PRKAR2B: variants seen among roughly 807,000 people sequenced by gnomAD.
The protein encoded by PRKAR2B is protein kinase cAMP-dependent type II regulatory subunit beta.
Under a neutral mutation model 49.9 loss-of-function variants are expected in PRKAR2B, and 14 were observed. The observed-to-expected ratio is 0.28, with a 90% CI of 0.19 to 0.44. The LOEUF is 0.44. PRKAR2B is among the 20% of genes least tolerant of loss of function. The pLI, the probability that PRKAR2B is intolerant of heterozygous loss-of-function variation, is 1.00. For synonymous variants in PRKAR2B, 196 were observed against 197.7 expected, an observed-to-expected ratio of 0.99 and a Z score of 0.07; for missense variants, 393 against 537.9, an observed-to-expected ratio of 0.73 and a Z score of 2.67.
intron 1 of PRKAR2B, among the ~76,000 whole-genome samples, chr7:107,069,096 G>A (rs895019351): frequency 6.6e-6 from 1 of 152,020 alleles, no homozygotes; most frequent in South Asian, 2.1e-4. Flanking sequence ...CACCATGCCC[G>A]GCTAATTTTT....
chr7:107,067,825 A>G (rs1794184907), intron 1 of PRKAR2B, among the ~76,000 whole-genome samples: 1 of 152,220 alleles, frequency 6.6e-6, no homozygotes, highest in Non-Finnish European at 1.5e-5. Flanking sequence ...CCCAAATTTG[A>G]TGTTGTCATT....
chr7:107,121,148 A>G (rs1179603630), intron 2 of PRKAR2B, among the ~76,000 whole-genome samples: 1 of 151,928 alleles, frequency 6.6e-6, no homozygotes, highest in Non-Finnish European at 1.5e-5. Context: ...CGATAGGTAC[A>G]ATCCTTCTAG....
At chr7:107,050,615 A>G (rs1481553005) in intron 1 of PRKAR2B, among the ~76,000 whole-genome samples, 1 of 152,110 alleles carries the variant, frequency 6.6e-6, no homozygotes, top group Non-Finnish European at 1.5e-5. Context: ...TAGTAGTAGT[A>G]ATAAAGTCCT....
intron 2 of PRKAR2B, among the ~76,000 whole-genome samples, chr7:107,096,349 A>C (rs985667718): frequency 3.9e-5 from 6 of 151,932 alleles, no homozygotes; most frequent in Admixed American, 3.3e-4. Flanking sequence ...CGGTGGTGAT[A>C]TCCCCTTTAT....
chr7:107,139,150 A>G (rs546410405), intron 4 of PRKAR2B, among the ~76,000 whole-genome samples: 2 of 151,996 alleles, frequency 1.3e-5, no homozygotes, highest in Admixed American at 1.3e-4. Context: ...TGAAATATCT[A>G]TCTCATGTGT....
intron 1 of PRKAR2B, among the ~76,000 whole-genome samples, chr7:107,049,084 A>G (rs2116744428): frequency 6.6e-6 from 1 of 152,290 alleles, no homozygotes; most frequent in South Asian, 2.1e-4. Flanking sequence ...TTGCATCAGT[A>G]CTAGTTTGGA....
chr7:107,116,990 A>T (rs896841269), intron 2 of PRKAR2B, among the ~76,000 whole-genome samples: 1 of 150,312 alleles, frequency 6.7e-6, no homozygotes, highest in East Asian at 1.9e-4. Flanking sequence ...TATAATTGTT[A>T]TACCCTTTTA....
intron 7 of PRKAR2B, among the ~76,000 whole-genome samples, chr7:107,152,096 G>A (rs971393331): frequency 6.6e-6 from 1 of 152,162 alleles, no homozygotes; most frequent in East Asian, 1.9e-4. Context: ...TATCCTTCCA[G>A]TGTCTCAGGC....
intron 2 of PRKAR2B, among the ~76,000 whole-genome samples, chr7:107,111,900 C>T (rs1363072525): frequency 6.7e-6 from 1 of 149,742 alleles, no homozygotes; most frequent in Non-Finnish European, 1.5e-5. Flanking sequence ...GGTGAGGTGG[C>T]TCATGCCAGT....
Position 107,150,961 on chromosome 7 carries a change from G to T in PRKAR2B, c.781G>T (p.Ala261Ser), listed in dbSNP as rs777810830. The T allele has an allele frequency of 6.2e-7, 1 of 1,600,674 alleles. No individual in the cohort carries two copies. The highest frequency in any genetic ancestry group is 1.4e-5 in the African/African-American group (1 of 73,944). The part of the protein sequence containing the change: ...TFRRIIVKNN[A>S]KKRKMYESFI... ...CAGGAGAATAATTGTGAAAAACAATGCCAAAAAGAGAAAAATGTATGAAAG... is the reference window on the plus strand; with the variant it reads ...CAGGAGAATAATTGTGAAAAACAATTCCAAAAAGAGAAAAATGTATGAAAG... Residue 261 changes from alanine (A) to serine (S), a missense_variant, in exon 7 of 11, where the codon GCC (alanine) becomes TCC (serine). Ala to Ser is a moderately conservative substitution (Grantham distance 99). Transcript: ENST00000265717.
chr7:107,126,251 C>CAAAAAAAAAAAAAAA (rs528961832), intron 3 of PRKAR2B, among the ~76,000 whole-genome samples: 1 of 85,470 alleles, frequency 1.2e-5, no homozygotes, highest in African/African-American at 4.2e-5. Context: ...ATACAAAATA[C>CAAAAAAAAAAAAAAA]AAAAAAAAAA....
At chr7:107,130,101 C>G (rs1383959791) in intron 4 of PRKAR2B, among the ~76,000 whole-genome samples, 1 of 152,148 alleles carries the variant, frequency 6.6e-6, no homozygotes, top group Non-Finnish European at 1.5e-5. Flanking sequence ...ACCTCGGACA[C>G]TTTTATAGTT....
chr7:107,134,504 T>C (rs1216862192), intron 4 of PRKAR2B, among the ~76,000 whole-genome samples: 1 of 152,200 alleles, frequency 6.6e-6, no homozygotes. Context: ...ATGTTATAAT[T>C]GTACATATAA....
chr7:107,045,572 GCA>G (rs1488855554), intron 1 of PRKAR2B, among the ~76,000 whole-genome samples: 1 of 152,176 alleles, frequency 6.6e-6, no homozygotes, highest in Non-Finnish European at 1.5e-5. Context: ...ATACCATTGT[GCA>G]TAAAGAAACT....
Position 107,047,248 on chromosome 7 carries a change from G to A in PRKAR2B, c.307+2034G>A, listed in dbSNP as rs540669520. 3.9e-5 allele frequency among the ~76,000 whole-genome samples: 6 copies of A among 152,326 alleles called. No homozygotes were observed. The East Asian group carries it at 1.2e-3, about 29-fold the overall frequency. The stretch of plus-strand genomic sequence containing the variant: ...GGCAATAGTACAGGTACTTCCTTCT[G>A]TCAGATGCAGTGCTTTTTGATATTT... On this transcript the variant is annotated intron_variant, in intron 1 of 10. Coordinates refer to ENST00000265717, the MANE Select transcript of PRKAR2B (RefSeq NM_002736.3).
At chr7:107,148,441 A>G (rs1440453341) in intron 6 of PRKAR2B, among the ~76,000 whole-genome samples, 1 of 152,202 alleles carries the variant, frequency 6.6e-6, no homozygotes, top group Non-Finnish European at 1.5e-5. Flanking sequence ...TGCACGTACT[A>G]CTTAAGTTCC....
chr7:107,097,335 C>T (rs565302148), intron 2 of PRKAR2B, among the ~76,000 whole-genome samples: 116 of 151,274 alleles, frequency 7.7e-4, no homozygotes, highest in Admixed American at 2.0e-3. Flanking sequence ...GCAACCCCGG[C>T]TTTTTTTTTG....
chr7:107,124,904 G>A (rs1305364158), intron 3 of PRKAR2B, among the ~76,000 whole-genome samples: 4 of 151,860 alleles, frequency 2.6e-5, no homozygotes, highest in African/African-American at 9.7e-5. Flanking sequence ...TTTAGGCTTT[G>A]GGGAGTCATG....
At chr7:107,045,357 C>T (rs1793669201) in intron 1 of PRKAR2B, 143 bp downstream of exon 1, 1 of 695,528 alleles carries the variant, frequency 1.4e-6, no homozygotes, top group Non-Finnish European at 2.3e-6. Context: ...ATCTCGCCCA[C>T]CCCCTCAGCA....
Sources: allele counts gnomAD v4.1 joint callset (sites outside exome capture counted in the v4.1 genomes callset), GRCh38; gene constraint gnomAD v4.1.1; transcripts MANE v1.5; gene names NCBI Gene and HGNC (gene_info 2026-07-23, HGNC 2026-07-21).